Variants in PLEKHA6 observed in about 807,000 individuals in gnomAD.
PLEKHA6 encodes the protein pleckstrin homology domain containing A6.
In PLEKHA6, 60 loss-of-function variants were observed where a neutral mutation model predicts 116.7. That is an observed-to-expected ratio of 0.51 (90% CI 0.42 to 0.64). PLEKHA6 has a LOEUF of 0.64. Ranked by LOEUF, PLEKHA6 falls within the 30% of genes least tolerant of loss-of-function variation. The probability of loss-of-function intolerance (pLI) is 0.00; values close to 1 mark genes in which losing one functional copy is unlikely to be tolerated. For synonymous variants in PLEKHA6, 489 were observed against 556.1 expected, an observed-to-expected ratio of 0.88 and a Z score of 1.70; for missense variants, 1,338 against 1,422.7, an observed-to-expected ratio of 0.94 and a Z score of 0.96.
At chr1:204,363,914 T>A (rs1673606478), upstream of PLEKHA6, among the ~76,000 whole-genome samples, 1 of 152,102 alleles carries the variant, frequency 6.6e-6, no homozygotes, top group Non-Finnish European at 1.5e-5. Context: ...CTTTCGCTTG[T>A]TCTCTCCTCC....
intron 1 of PLEKHA6, among the ~76,000 whole-genome samples, chr1:204,319,231 T>C (rs1671970508): frequency 6.6e-6 from 1 of 152,270 alleles, no homozygotes; most frequent in Admixed American, 6.5e-5. Flanking sequence ...CTATGGAACA[T>C]TTCATAACAC....
chr1:204,280,217 A>G (rs1234465668), intron 1 of PLEKHA6: 8 of 735,894 alleles, frequency 1.1e-5, no homozygotes, highest in Non-Finnish European at 1.3e-5. Context: ...TCACATAGAG[A>G]TAACTCTGCA....
intron 1 of PLEKHA6, among the ~76,000 whole-genome samples, chr1:204,342,935 G>A (rs1354140967): frequency 1.3e-5 from 2 of 152,180 alleles, no homozygotes; most frequent in African/African-American, 2.4e-5. Flanking sequence ...CAAATAGAAC[G>A]CCAGATCGCA....
chr1:204,332,150 C>T (rs190873342), intron 1 of PLEKHA6, among the ~76,000 whole-genome samples: 8 of 152,248 alleles, frequency 5.3e-5, no homozygotes, highest in Non-Finnish European at 1.0e-4. Context: ...CACCCTTTGC[C>T]GGCATGTTGC....
intron 1 of PLEKHA6, among the ~76,000 whole-genome samples, chr1:204,372,306 C>G (rs1014591806): frequency 1.3e-5 from 2 of 152,200 alleles, no homozygotes; most frequent in African/African-American, 2.4e-5. Context: ...CCCAGCAAGG[C>G]AGGCTCCCCA....
chr1:204,371,147 T>C (rs1340705567), intron 2 of PLEKHA6, among the ~76,000 whole-genome samples: 1 of 152,068 alleles, frequency 6.6e-6, no homozygotes, highest in Admixed American at 6.5e-5. Flanking sequence ...GCAATTGTAT[T>C]GGGCAGAGCA....
rs201831151 is a variant in PLEKHA6, at chr1:204,356,584, T to TAATAATAATAATAA, written c.-95+3109_-95+3110insTTATTATTATTATT. ...CCTGTCTCAAATAATAATAATAATA[T>TAATAATAATAATAA]TAATAATAATAATAATGCTGTTAAA... On this transcript the variant is annotated intron_variant, in intron 1 of 22. Transcript: ENST00000272203. Among the ~76,000 whole-genome samples the TAATAATAATAATAA allele has an allele frequency of 5.5e-3, 704 of 127,588 alleles. 6 individuals are homozygous for TAATAATAATAATAA. The highest frequency in any genetic ancestry group is 0.022 in the African/African-American group (676 of 31,112). The allele number at this position is 127,588 out of a possible 152,430, so 83.7% of individuals were successfully genotyped here. A position where few individuals can be genotyped will look rare whatever the true frequency, so the allele number is the denominator to read the frequency against.
Position 204,248,719 on chromosome 1 carries a change from C to T in PLEKHA6, c.1824+102G>A, listed in dbSNP as rs904358413. On this transcript the variant is annotated intron_variant, in intron 12 of 22. Coordinates refer to ENST00000272203, the MANE Select transcript of PLEKHA6 (RefSeq NM_014935.5). ...CTGCACGGGAGTACTCAGCTCTTGTCCTCTGAGGAAAACTGGACTAGGACA... is the reference window on the plus strand; with the variant it reads ...CTGCACGGGAGTACTCAGCTCTTGTTCTCTGAGGAAAACTGGACTAGGACA... The T allele has an allele frequency of 5.6e-6, 6 of 1,074,894 alleles. No homozygotes were observed. In the East Asian group the frequency reaches 7.2e-5, roughly 13 times the overall value. 66.6% of individuals were successfully genotyped at this position (1,074,894 alleles called of 1,614,324 possible). A position where few individuals can be genotyped will look rare whatever the true frequency, so the allele number is the denominator to read the frequency against.
At chr1:204,241,919 C>T in intron 15 of PLEKHA6, 105 bp from the exon 16 acceptor site, 1 of 1,252,172 alleles carries the variant, frequency 8.0e-7, no homozygotes, top group South Asian at 1.2e-5. Flanking sequence ...CAAACCCTTG[C>T]AGATACAAGG....
At chr1:204,313,101 C>CTCCT (rs1256795682) in intron 1 of PLEKHA6, among the ~76,000 whole-genome samples, 2 of 118,938 alleles carry the variant, frequency 1.7e-5, no homozygotes, top group Middle Eastern at 5.2e-3. Flanking sequence ...CCCTCCTTCC[C>CTCCT]TCCTTCCTTC....
intron 6 of PLEKHA6, 104 bp downstream of exon 6, chr1:204,264,838 G>T: frequency 2.3e-6 from 2 of 860,520 alleles, no homozygotes; most frequent in Non-Finnish European, 2.0e-6. Context: ...ACCACCACCT[G>T]GGATTCCTTA....
At chr1:204,314,041 C>G (rs963398466) in intron 1 of PLEKHA6, among the ~76,000 whole-genome samples, 1 of 152,152 alleles carries the variant, frequency 6.6e-6, no homozygotes, top group Non-Finnish European at 1.5e-5. Context: ...CACAGCAGCA[C>G]TGGTGGGTGG....
chr1:204,367,090 A>G (rs1347786153), intron 3 of PLEKHA6, among the ~76,000 whole-genome samples: 1 of 152,204 alleles, frequency 6.6e-6, no homozygotes, highest in Non-Finnish European at 1.5e-5. Flanking sequence ...ATGAAACCAG[A>G]TGGAGAGACC....
intron 1 of PLEKHA6, among the ~76,000 whole-genome samples, chr1:204,308,687 C>CT (rs60251937): frequency 5.9e-4 from 48 of 81,402 alleles, no homozygotes; most frequent in East Asian, 4.0e-3. Flanking sequence ...TTTTCTTTTT[C>CT]TTTTTTTTTT....
chr1:204,262,288 T>C (rs1274182528), intron 6 of PLEKHA6, among the ~76,000 whole-genome samples: 2 of 152,200 alleles, frequency 1.3e-5, no homozygotes, highest in African/African-American at 4.8e-5. Context: ...ATCGCAGTGC[T>C]AAGCCTGGCT....
intron 1 of PLEKHA6, among the ~76,000 whole-genome samples, chr1:204,356,424 A>G (rs1020761712): frequency 2.6e-5 from 4 of 152,034 alleles, no homozygotes; most frequent in African/African-American, 9.7e-5. Context: ...AAAATTAGCC[A>G]GGTATGGTGA....
Position 204,223,341 on chromosome 1 carries a change from G to A in PLEKHA6, c.*8+121C>T, listed in dbSNP as rs867541605. On this transcript the variant is annotated intron_variant, in intron 22 of 22. Coordinates refer to ENST00000272203, the MANE Select transcript of PLEKHA6 (RefSeq NM_014935.5). This position sits in a 1 kb window ranked among gnomAD's most constrained non-coding sequence, Gnocchi z 4.8. Reference sequence around the variant, plus strand: ...AATGGATGGATAGTGGGGAGGAGCAGCACAGGGCACTGGGGTAGGGGAGAA... The same window carrying A: ...AATGGATGGATAGTGGGGAGGAGCAACACAGGGCACTGGGGTAGGGGAGAA... 4 of 690,664 alleles carry A rather than the reference G, an allele frequency of 5.8e-6. No homozygotes were observed. The highest frequency in any genetic ancestry group is 2.1e-5 in the Admixed American group (1 of 48,094). 42.8% of individuals were successfully genotyped at this position (690,664 alleles called of 1,614,324 possible). A position where few individuals can be genotyped will look rare whatever the true frequency, so the allele number is the denominator to read the frequency against.
At chr1:204,286,381 C>A (rs1020426853) in intron 1 of PLEKHA6, among the ~76,000 whole-genome samples, 2 of 151,976 alleles carry the variant, frequency 1.3e-5, no homozygotes, top group Non-Finnish European at 2.9e-5. Context: ...AAAGACTGGG[C>A]ATGGAGGCTG....
At chr1:204,336,893 T>C (rs1186730173) in intron 1 of PLEKHA6, among the ~76,000 whole-genome samples, 3 of 152,174 alleles carry the variant, frequency 2.0e-5, no homozygotes, top group Non-Finnish European at 2.9e-5. Context: ...TAAAGAGGCC[T>C]CCTCCAAGGC....
Sources: gnomAD v4.1 joint callset for allele counts (sites outside exome capture counted in the v4.1 genomes callset) on GRCh38, gnomAD v4.1.1 for gene constraint, Gnocchi (gnomAD v3.1) non-coding constraint, MANE v1.5 for transcripts, NCBI Gene and HGNC (gene_info 2026-07-23, HGNC 2026-07-21) for gene names.